The following UBR1 variants were observed in gnomAD, a reference collection of about 807,000 sequenced individuals.
UBR1 encodes ubiquitin protein ligase E3 component n-recognin 1.
In UBR1, 102 loss-of-function variants were observed where a neutral mutation model predicts 242.1. The observed-to-expected ratio is 0.42, with a 90% CI of 0.36 to 0.50. The LOEUF (loss-of-function observed/expected upper bound fraction) is 0.50. UBR1 is among the 20% of genes least tolerant of loss of function. UBR1 has a pLI of 0.01. For missense variants in UBR1, 1,772 were observed against 2,101.8 expected, an observed-to-expected ratio of 0.84 and a Z score of 3.07; for synonymous variants, 675 against 684.8, an observed-to-expected ratio of 0.99 and a Z score of 0.22.
At chr15:42,990,681 T>C (rs189707525) in intron 33 of UBR1, among the ~76,000 whole-genome samples, 10 of 152,348 alleles carry the variant, frequency 6.6e-5, no homozygotes, top group African/African-American at 2.4e-4. Flanking sequence ...TTGCACCTAA[T>C]AGATCATGAA....
chr15:43,080,442 C>G (rs2033962875), intron 3 of UBR1, among the ~76,000 whole-genome samples: 1 of 152,126 alleles, frequency 6.6e-6, no homozygotes, highest in South Asian at 2.1e-4. Flanking sequence ...AAATGTCATA[C>G]AGTTGGAATC....
chr15:43,048,669 T>C (rs900171836), intron 12 of UBR1, among the ~76,000 whole-genome samples, 178 bp from the exon 13 acceptor site: 2 of 152,172 alleles, frequency 1.3e-5, no homozygotes, highest in African/African-American at 4.8e-5. Flanking sequence ...ATACAACCAG[T>C]AAAACATGAA....
chr15:43,090,577 A>G (rs2034094876), intron 1 of UBR1, among the ~76,000 whole-genome samples: 1 of 152,006 alleles, frequency 6.6e-6, no homozygotes, highest in Admixed American at 6.6e-5. Context: ...CTAATGTTCT[A>G]TGTTATACCT....
chr15:42,987,438 G>A (rs924161263), intron 35 of UBR1, among the ~76,000 whole-genome samples: 1 of 152,330 alleles, frequency 6.6e-6, no homozygotes, highest in East Asian at 1.9e-4. Flanking sequence ...CTTCAAGGCC[G>A]GGTGTGGTGG....
At position 43,005,131 on chromosome 15, in the gene UBR1, C is replaced by G. The variant is rs946397983; in HGVS notation, c.3416-1201G>C. Among the ~76,000 whole-genome samples the G allele has an allele frequency of 1.6e-4, 24 of 150,956 alleles. 1 individual carries two copies. Among genetic ancestry groups the G allele is most frequent in the Admixed American group, 1.3e-4 (2 of 15,126 alleles). On this transcript the variant is annotated intron_variant, in intron 30 of 46. Transcript: ENST00000290650. ...CGCCCCGTCTGAGAAGTGAGGAGCC[C>G]CTCCGCCCGGCAGCCACCCCATCTG...
chr15:43,025,172 C>G (rs1455432110), intron 24 of UBR1, among the ~76,000 whole-genome samples, 189 bp from the exon 25 acceptor site: 1 of 152,082 alleles, frequency 6.6e-6, no homozygotes, highest in Non-Finnish European at 1.5e-5. Flanking sequence ...ATCAGTCACC[C>G]AAAATGAACT....
intron 42 of UBR1, among the ~76,000 whole-genome samples, chr15:42,961,921 A>AT (rs57244897): frequency 0.012 from 1,604 of 133,412 alleles, 17 homozygotes; most frequent in African/African-American, 0.035. Context: ...TGCCCAGCTA[A>AT]TTTTTTTTTT....
In UBR1 at chr15:43,044,706, T is replaced by C. The variant is rs528679320; in HGVS notation, c.1669-1311A>G. Reference sequence around the variant, plus strand: ...AGGAGTTTGAGACCAGCCTGGCCAATATGGTGAAACCCCGTCTCTACTAAA... The same window carrying C: ...AGGAGTTTGAGACCAGCCTGGCCAACATGGTGAAACCCCGTCTCTACTAAA... On this transcript the variant is annotated intron_variant, in intron 14 of 46. Coordinates refer to ENST00000290650, the MANE Select transcript of UBR1 (RefSeq NM_174916.3). Among the ~76,000 whole-genome samples the C allele has an allele frequency of 4.5e-4, 69 of 151,958 alleles. 1 individual carries two copies. The highest frequency in any genetic ancestry group is 8.4e-4 in the Non-Finnish European group (57 of 67,952).
intron 28 of UBR1, among the ~76,000 whole-genome samples, chr15:43,016,266 T>A (rs1298840972): frequency 6.6e-6 from 1 of 152,182 alleles, no homozygotes; most frequent in Non-Finnish European, 1.5e-5. Flanking sequence ...ATTTAACAAT[T>A]TTTTTAACTT....
intron 43 of UBR1, among the ~76,000 whole-genome samples, chr15:42,958,839 T>C (rs1295953911): frequency 6.6e-6 from 1 of 152,136 alleles, no homozygotes; most frequent in African/African-American, 2.4e-5. Context: ...ATTTATTGAT[T>C]TATTTATTGG....
chr15:43,028,016 G>C (rs535052548), intron 21 of UBR1, among the ~76,000 whole-genome samples, 188 bp from the exon 22 acceptor site: 4 of 152,218 alleles, frequency 2.6e-5, no homozygotes, highest in African/African-American at 9.6e-5. Context: ...CTTCGTAAGA[G>C]GTAAGATGTA....
At chr15:42,946,921 G>A (rs999981804) in intron 46 of UBR1, among the ~76,000 whole-genome samples, 5 of 152,194 alleles carry the variant, frequency 3.3e-5, no homozygotes, top group African/African-American at 1.2e-4. Flanking sequence ...TCCAAGGTGG[G>A]CAGATCAACT....
chr15:42,952,528 C>G, intron 44 of UBR1, 80 bp from the exon 45 acceptor site: 1 of 1,526,736 alleles, frequency 6.5e-7, no homozygotes, highest in Non-Finnish European at 9.0e-7. Flanking sequence ...TGTTAGCAAT[C>G]AAGCATGTTT....
In UBR1 at chr15:43,074,717, G is replaced by A. The variant is rs541285988; in HGVS notation, c.528+262C>T. On this transcript the variant is annotated intron_variant, in intron 4 of 46. Transcript: ENST00000290650. The stretch of plus-strand genomic sequence containing the variant: ...ATTACAGGCATGAGCCATAGCGCCC[G>A]ACCTGTGTACTCTTATGTATCAAGT... Among the ~76,000 whole-genome samples the A allele has an allele frequency of 2.6e-5, 4 of 152,224 alleles. No homozygotes were observed. The East Asian group carries it at 5.8e-4, about 22-fold the overall frequency.
At chr15:43,051,379 C>T (rs537789664) in intron 12 of UBR1, among the ~76,000 whole-genome samples, 1 of 152,108 alleles carries the variant, frequency 6.6e-6, no homozygotes, top group Non-Finnish European at 1.5e-5. Context: ...GATGAGAACA[C>T]ATGGACACAT....
intron 44 of UBR1, among the ~76,000 whole-genome samples, chr15:42,957,643 G>A (rs2031944589): frequency 6.6e-6 from 1 of 152,184 alleles, no homozygotes; most frequent in African/African-American, 2.4e-5. Context: ...GAGGCCAATG[G>A]GTAGGAGGAT....
intron 15 of UBR1, among the ~76,000 whole-genome samples, chr15:43,039,029 ATT>A (rs1567133752): frequency 6.6e-6 from 1 of 151,506 alleles, no homozygotes; most frequent in Non-Finnish European, 1.5e-5. Flanking sequence ...AAAAATTTTT[ATT>A]TTTATTAAAA....
intron 20 of UBR1, among the ~76,000 whole-genome samples, chr15:43,031,360 A>G (rs1329811976): frequency 6.6e-6 from 1 of 152,238 alleles, no homozygotes; most frequent in Non-Finnish European, 1.5e-5. Flanking sequence ...CTACAATATT[A>G]GAGATTCTTT....
At chr15:43,080,047 C>T (rs2141355493) in intron 3 of UBR1, among the ~76,000 whole-genome samples, 1 of 152,304 alleles carries the variant, frequency 6.6e-6, no homozygotes, top group South Asian at 2.1e-4. Context: ...GAGCAAGAAT[C>T]AGCAAACTTT....
Sources: gnomAD v4.1 joint callset for allele counts (sites outside exome capture counted in the v4.1 genomes callset) on GRCh38, gnomAD v4.1.1 for gene constraint, MANE v1.5 for transcripts, NCBI Gene and HGNC (gene_info 2026-07-23, HGNC 2026-07-21) for gene names.